Variants in ZNF625 observed in about 807,000 individuals in gnomAD.
The protein encoded by ZNF625 is zinc finger protein 625.
In ZNF625, 8 loss-of-function variants were observed where a neutral mutation model predicts 11.1. The ratio of observed to expected loss-of-function variants is 0.72; its 90% CI spans 0.42 to 1.30. ZNF625 has a LOEUF of 1.30. ZNF625 is among the 50% of genes most tolerant of loss of function. The pLI is 0.01. For missense variants in ZNF625, 349 were observed against 447.6 expected (o/e 0.78, Z 1.99); for synonymous variants, 145 against 153.4 (o/e 0.95, Z 0.41).
intron 1 of ZNF625, among the ~76,000 whole-genome samples, chr19:12,151,185 C>T (rs1976949214): frequency 6.6e-6 from 1 of 150,946 alleles, no homozygotes; most frequent in African/African-American, 2.4e-5. Context: ...CTGCTAAGAT[C>T]AGCTATACTC....
chr19:12,146,331 G>C, intron 3 of ZNF625, 107 bp from the exon 4 acceptor site: 2 of 1,058,014 alleles, frequency 1.9e-6, no homozygotes, highest in Non-Finnish European at 2.8e-6. Flanking sequence ...CAATGTGTAG[G>C]CTTTCTGCCC....
At chr19:12,150,039 C>T (rs1290321068) in intron 1 of ZNF625, among the ~76,000 whole-genome samples, 5 of 152,048 alleles carry the variant, frequency 3.3e-5, no homozygotes, top group Admixed American at 3.3e-4. Flanking sequence ...ACGCCCGGCC[C>T]GACCTAAGTA....
intron 1 of ZNF625, among the ~76,000 whole-genome samples, chr19:12,151,807 C>A (rs935090941): frequency 1.3e-5 from 2 of 152,096 alleles, no homozygotes; most frequent in African/African-American, 4.8e-5. Context: ...AACCACTAAC[C>A]TTGACCATAC....
intron 1 of ZNF625, among the ~76,000 whole-genome samples, chr19:12,149,965 C>T (rs918991305): frequency 6.6e-6 from 1 of 152,124 alleles, no homozygotes; most frequent in African/African-American, 2.4e-5. Context: ...TCTTGAACTG[C>T]TGACATCAGG....
chr19:12,154,616 T>C lies in ZNF625; in HGVS notation c.3+1940A>G, dbSNP rs191292705. 2.9e-3 allele frequency among the ~76,000 whole-genome samples: 442 copies of C among 152,360 alleles called. 4 individuals are homozygous for C. Among genetic ancestry groups the C allele is most frequent in the Admixed American group, 7.2e-3 (110 of 15,298 alleles). On this transcript the variant is annotated intron_variant, in intron 1 of 3. Transcript: ENST00000439556. The stretch of plus-strand genomic sequence containing the variant: ...TCTCCTTATAATAGGAATCTGATCA[T>C]TTCAATCATTTAAGGTAGAAAAATC...
intron 1 of ZNF625, among the ~76,000 whole-genome samples, chr19:12,153,362 A>AG (rs2058997216): frequency 6.6e-6 from 1 of 151,528 alleles, no homozygotes; most frequent in African/African-American, 2.4e-5. Context: ...AAAAAAAAAA[A>AG]AAAAGAAAAG....
chr19:12,153,163 C>A (rs269822), intron 1 of ZNF625, among the ~76,000 whole-genome samples: 1 of 151,664 alleles, frequency 6.6e-6, no homozygotes, highest in Non-Finnish European at 1.5e-5. Context: ...ACCAACCTGG[C>A]CAAGATGATG....
intron 1 of ZNF625, 119 bp from the exon 2 acceptor site, chr19:12,147,921 G>T: frequency 7.9e-7 from 1 of 1,268,480 alleles, no homozygotes; most frequent in Non-Finnish European, 1.1e-6. Context: ...TCCATGATCT[G>T]GTCATCAGAC....
At chr19:12,151,497 C>T (rs572138228) in intron 1 of ZNF625, among the ~76,000 whole-genome samples, 5 of 151,752 alleles carry the variant, frequency 3.3e-5, no homozygotes, top group African/African-American at 1.2e-4. Flanking sequence ...TCTCCTGCCT[C>T]AGCCTCCCGA....
At position 12,145,964 on chromosome 19, in the gene ZNF625, C is replaced by T. The variant is rs1344684651; in HGVS notation, c.452G>A (p.Arg151Gln). The T allele has an allele frequency of 1.7e-5, 28 of 1,614,012 alleles. No individual in the cohort carries two copies. The highest frequency in any genetic ancestry group is 3.3e-5 in the Admixed American group (2 of 59,978). The change falls in exon 4 of 4, where the codon CGA (arginine) becomes CAA (glutamine). Residue 151 changes from arginine to glutamine, a missense_variant. Transcript: ENST00000439556. ...CCCAGTGTGAGCCCATTCATGTGTT[C>T]GAAAGTAGGGGAGATCACTGAAGGC... Reference protein sequence around the residue: ...KKAFSDLPYFRTHEWAHTGGK... With the variant: ...KKAFSDLPYFQTHEWAHTGGK...
intron 1 of ZNF625, among the ~76,000 whole-genome samples, chr19:12,155,079 A>C (rs980824980): frequency 7.2e-5 from 11 of 152,090 alleles, no homozygotes; most frequent in Non-Finnish European, 1.6e-4. Context: ...TACAGAAATT[A>C]GCCGGGTATG....
intron 1 of ZNF625, among the ~76,000 whole-genome samples, chr19:12,155,461 C>T (rs149925456): frequency 6.6e-6 from 1 of 152,190 alleles, no homozygotes; most frequent in African/African-American, 2.4e-5. Flanking sequence ...TCTCAGCCAA[C>T]TGCCAACTAC....
chr19:12,152,510 G>A (rs576193841), intron 1 of ZNF625, among the ~76,000 whole-genome samples: 1 of 152,080 alleles, frequency 6.6e-6, no homozygotes, highest in Admixed American at 6.6e-5. Context: ...CATAATAGAT[G>A]CAGAAAAAGC....
intron 1 of ZNF625, among the ~76,000 whole-genome samples, chr19:12,150,625 C>T (rs1458018205): frequency 1.3e-4 from 20 of 152,172 alleles, no homozygotes; most frequent in Non-Finnish European, 2.9e-4. Context: ...TCACAACTGT[C>T]CTGAATAAAG....
At chr19:12,156,430 G>T in intron 1 of ZNF625, 126 bp downstream of exon 1, 1 of 747,946 alleles carries the variant, frequency 1.3e-6, no homozygotes, top group Non-Finnish European at 1.9e-6. Context: ...GCCGAGCTAC[G>T]CCAGGGGGAC....
rs746796556 is a variant in ZNF625 at position 12,145,627 on chromosome 19, A to G, written c.789T>C (p.His263=). ...GKAFHSSTCL[H]AHKITHTGEK... is the part of the protein sequence containing the mutation. ...CCCCAGTGTGAGTTATTTTATGTGCATGGAGGCATGTGGAACTATGGAATG... is the reference window on the plus strand; with the variant it reads ...CCCCAGTGTGAGTTATTTTATGTGCGTGGAGGCATGTGGAACTATGGAATG... Residue 263 remains histidine, a synonymous_variant, in exon 4 of 4, where the codon CAT becomes CAC. Transcript: ENST00000439556. The G allele has an allele frequency of 5.0e-6, 8 of 1,613,334 alleles. No homozygotes were observed. In the South Asian group the frequency reaches 6.6e-5, roughly 13 times the overall value.
Position 12,145,451 on chromosome 19 carries a change from C to T in ZNF625, c.965G>A (p.Gly322Glu). 6.2e-7 allele frequency: 1 copy of T among 1,613,068 alleles called. No homozygotes were observed. Among genetic ancestry groups the T allele is most frequent in the Non-Finnish European group, 8.5e-7 (1 of 1,179,710 alleles). ...GGGTTTCTCTCCAGTGTGAGTCCTT[C>T]CATGTGTTCGAAGGTGCGAGGCAGA... ...FRSASHLRTHGRTHTGEKPYE... is the reference protein window; with the variant it reads ...FRSASHLRTHERTHTGEKPYE... The change falls in exon 4 of 4, where the codon GGA (glycine) becomes GAA (glutamate). Residue 322 changes from glycine to glutamate, a missense_variant. Gly to Glu is a moderately conservative substitution (Grantham distance 98, BLOSUM62 -2). Coordinates refer to ENST00000439556, the MANE Select transcript of ZNF625 (RefSeq NM_145233.4).
At chr19:12,154,328 G>GT (rs1245865903) in intron 1 of ZNF625, among the ~76,000 whole-genome samples, 1 of 152,124 alleles carries the variant, frequency 6.6e-6, no homozygotes, top group Non-Finnish European at 1.5e-5. Context: ...AGTGTCCCTT[G>GT]TATCAGGAAC....
rs934558893 is a variant in ZNF625 at position 12,146,970 on chromosome 19, A to ATTTTTTTTTTTTTTTT, written c.191+424_191+425insAAAAAAAAAAAAAAAA. Among the ~76,000 whole-genome samples the ATTTTTTTTTTTTTTTT allele has an allele frequency of 8.4e-5, 11 of 130,854 alleles. 1 individual carries two copies. The highest frequency in any genetic ancestry group is 1.2e-4 in the African/African-American group (4 of 33,118). 85.8% of individuals were successfully genotyped at this position (130,854 alleles called of 152,430 possible). On this transcript the variant is annotated intron_variant, in intron 3 of 3. Coordinates refer to ENST00000439556, the MANE Select transcript of ZNF625 (RefSeq NM_145233.4). ...CACACTTAAATATATGTTTTTAGAG[A>ATTTTTTTTTTTTTTTT]TTTTTTTTTTTTTTGAGACGGAGTC...
Sources: gnomAD v4.1 joint callset for allele counts (sites outside exome capture counted in the v4.1 genomes callset) on GRCh38, gnomAD v4.1.1 for gene constraint, MANE v1.5 for transcripts, NCBI Gene and HGNC (gene_info 2026-07-23, HGNC 2026-07-21) for gene names.